MMP26: variants seen among roughly 807,000 people sequenced by gnomAD.
MMP26 encodes matrix metallopeptidase 26.
MMP26 carries 33 observed loss-of-function variants against 31.0 expected under a neutral mutation model. That is an observed-to-expected ratio of 1.06 (90% CI 0.81 to 1.42). MMP26 has a LOEUF of 1.42. MMP26 is among the 40% of genes most tolerant of loss of function. The pLI is 0.00. For synonymous variants in MMP26, 122 were observed against 114.9 expected, an observed-to-expected ratio of 1.06 and a Z score of -0.40; for missense variants, 347 against 316.1, an observed-to-expected ratio of 1.10 and a Z score of -0.74.
intron 1 of MMP26, chr11:4,723,452 C>G (rs1011603847): frequency 1.1e-5 from 12 of 1,049,076 alleles, no homozygotes; most frequent in Non-Finnish European, 1.8e-5. Context: ...ATGGACAGCA[C>G]CACAGATGTG....
intron 2 of MMP26, chr11:4,769,835 C>G (rs770496328): frequency 3.0e-5 from 48 of 1,612,556 alleles, no homozygotes; most frequent in Non-Finnish European, 4.0e-5. Context: ...AATGGAGATC[C>G]AGACATGGGC....
chr11:4,901,716 A>G (rs1850805204), intron 2 of MMP26, among the ~76,000 whole-genome samples: 2 of 152,166 alleles, frequency 1.3e-5, no homozygotes, highest in South Asian at 4.1e-4. Flanking sequence ...TCTAATGTTT[A>G]AGATTCCTAC....
intron 2 of MMP26, among the ~76,000 whole-genome samples, chr11:4,851,904 C>T (rs1268262843): frequency 6.6e-6 from 1 of 151,996 alleles, no homozygotes; most frequent in East Asian, 1.9e-4. Flanking sequence ...AGACACAAGA[C>T]TAACAGAAAA....
chr11:4,723,903 C>T (rs916333431), intron 1 of MMP26: 14 of 1,054,880 alleles, frequency 1.3e-5, no homozygotes, highest in Non-Finnish European at 1.9e-5. Context: ...GCTCCTTCTC[C>T]TGGGTGCGCA....
intron 2 of MMP26, among the ~76,000 whole-genome samples, chr11:4,830,997 A>C (rs536441624): frequency 6.6e-6 from 1 of 152,328 alleles, no homozygotes; most frequent in South Asian, 2.1e-4. Flanking sequence ...ACAAGGATGC[A>C]TTGGTCACAT....
At chr11:4,835,203 G>GAC (rs3064937) in intron 2 of MMP26, among the ~76,000 whole-genome samples, 3,972 of 143,166 alleles carry the variant, frequency 0.028, 69 homozygotes, top group East Asian at 0.047. Context: ...CTCTCTTTCT[G>GAC]ACACACACAC....
At chr11:4,987,322 A>T (rs1310646767) in intron 2 of MMP26, among the ~76,000 whole-genome samples, 1 of 152,112 alleles carries the variant, frequency 6.6e-6, no homozygotes, top group Non-Finnish European at 1.5e-5. Context: ...TTTCTTCAAC[A>T]TATAGCTATT....
chr11:4,989,817 C>A lies in MMP26; in HGVS notation c.269C>A (p.Thr90Asn), dbSNP rs755275186. 6.8e-6 allele frequency: 11 copies of A among 1,613,094 alleles called. No individual in the cohort carries two copies. In the South Asian group the frequency reaches 1.2e-4, roughly 18 times the overall value. The change falls in exon 4 of 8, where the codon ACC becomes AAC. Residue 90 changes from threonine (T) to asparagine (N), a missense_variant. Transcript: ENST00000380390. Reference sequence around the variant, plus strand: ...TGTGGGGTGCCTGATGGGTCCGACACCTCCATCTCGCCAGGAAGATGCAAG... The same window carrying A: ...TGTGGGGTGCCTGATGGGTCCGACAACTCCATCTCGCCAGGAAGATGCAAG... ...PHCGVPDGSD[T>N]SISPGRCKWN...
At chr11:4,991,278 C>T in intron 5 of MMP26, 93 bp from the exon 6 acceptor site, 1 of 1,451,474 alleles carries the variant, frequency 6.9e-7, no homozygotes, top group Non-Finnish European at 9.3e-7. Flanking sequence ...GACTGTTGCA[C>T]AGTATCCTAA....
rs767489175 is a variant in MMP26 at position 4,954,905 on chromosome 11, G to A, written c.-144-33163G>A. The A allele has an allele frequency of 5.3e-6, 6 of 1,138,088 alleles. 1 individual carries two copies. The African/African-American group carries it at 9.8e-5, about 19-fold the overall frequency. 70.5% of individuals were successfully genotyped at this position (1,138,088 alleles called of 1,614,324 possible). On this transcript the variant is annotated intron_variant, in intron 2 of 7. Coordinates refer to ENST00000380390, the MANE Select transcript of MMP26 (RefSeq NM_021801.5). ...TGCCATGAGAACATTAATGAGGGGA[G>A]AGACATGCCCGGCAAAGCGGTGGAC...
chr11:4,919,595 G>C (rs1305612327), intron 2 of MMP26, among the ~76,000 whole-genome samples: 1 of 152,168 alleles, frequency 6.6e-6, no homozygotes, highest in African/African-American at 2.4e-5. Flanking sequence ...TATGGCAAGA[G>C]TTTTGAACCA....
At chr11:4,928,213 G>C (rs190174426) in intron 2 of MMP26, among the ~76,000 whole-genome samples, 10 of 152,084 alleles carry the variant, frequency 6.6e-5, no homozygotes, top group African/African-American at 1.9e-4. Flanking sequence ...TACACTATCA[G>C]ACATCCTTCC....
At chr11:4,744,139 G>A (rs954271708) in intron 1 of MMP26, among the ~76,000 whole-genome samples, 5 of 151,830 alleles carry the variant, frequency 3.3e-5, no homozygotes, top group Admixed American at 2.0e-4. Context: ...TACTCTTCAG[G>A]GATACTATAA....
intron 1 of MMP26, among the ~76,000 whole-genome samples, chr11:4,732,636 G>A (rs1848188726): frequency 1.3e-5 from 2 of 151,314 alleles, no homozygotes; most frequent in African/African-American, 2.4e-5. Flanking sequence ...ATCCCTCTCA[G>A]CCCTGAGCAA....
At chr11:4,719,851 G>A (rs1051102504) in intron 1 of MMP26, among the ~76,000 whole-genome samples, 22 of 151,826 alleles carry the variant, frequency 1.4e-4, no homozygotes, top group African/African-American at 5.1e-4. Flanking sequence ...TTGCAAATGC[G>A]GTATTATTTT....
intron 2 of MMP26, among the ~76,000 whole-genome samples, chr11:4,968,030 A>G (rs1399563803): frequency 2.6e-5 from 4 of 152,084 alleles, no homozygotes; most frequent in Admixed American, 2.0e-4. Context: ...CATGTAATAT[A>G]TTTTGTTTTG....
Position 4,907,790 on chromosome 11 carries a change from G to A in MMP26, c.-144-80278G>A, listed in dbSNP as rs1430127481. 8.7e-6 allele frequency: 14 copies of A among 1,613,884 alleles called. No homozygotes were observed. Among genetic ancestry groups the A allele is most frequent in the Admixed American group, 5.0e-5 (3 of 59,990 alleles). ...CAGTTCTATCCTCACTAGCAACAGG[G>A]TTGCTAAAATGGGACTTATTTTAGC... On this transcript the variant is annotated intron_variant, in intron 2 of 7. Coordinates refer to ENST00000380390, the MANE Select transcript of MMP26 (RefSeq NM_021801.5).
At chr11:4,857,843 C>T (rs536156867) in intron 2 of MMP26, among the ~76,000 whole-genome samples, 38 of 152,204 alleles carry the variant, frequency 2.5e-4, no homozygotes, top group East Asian at 1.7e-3. Context: ...ACTGGCAAAC[C>T]GAATCCAGCA....
At chr11:4,958,010 C>T (rs988617743) in intron 2 of MMP26, among the ~76,000 whole-genome samples, 1 of 152,116 alleles carries the variant, frequency 6.6e-6, no homozygotes. Flanking sequence ...ATTGTCTTCC[C>T]AGCAGAAAAT....
Sources: allele counts gnomAD v4.1 joint callset (sites outside exome capture counted in the v4.1 genomes callset), GRCh38; gene constraint gnomAD v4.1.1; transcripts MANE v1.5; gene names NCBI Gene and HGNC (gene_info 2026-07-23, HGNC 2026-07-21).